The following ZNF518B variants were observed in gnomAD, a reference collection of about 807,000 sequenced individuals.
The protein encoded by ZNF518B is zinc finger protein 518B.
A neutral mutation model predicts 56.3 loss-of-function variants in ZNF518B; 23 were observed. The observed-to-expected ratio is 0.41, with a 90% CI of 0.29 to 0.58. The LOEUF is 0.58. ZNF518B is among the 20% of genes least tolerant of loss of function. The pLI is 0.32. For missense variants in ZNF518B, 1,460 were observed against 1,272.1 expected (o/e 1.15, Z -2.25); for synonymous variants, 529 against 465.9 (o/e 1.14, Z -1.74).
Position 10,440,068 on chromosome 4 carries a change from A to G in ZNF518B, c.*3036T>C, listed in dbSNP as rs556619751. 1 of 152,748 alleles carries G rather than the reference A, an allele frequency of 6.5e-6. No individual in the cohort carries two copies. The highest frequency in any genetic ancestry group is 1.9e-4 in the East Asian group (1 of 5,186). The allele number at this position is 152,748 out of a possible 1,614,324, so 9.5% of individuals were successfully genotyped here. ...TCATATAGACATTTACAGATTTAAAAATTATTCCAAAGGCCGAGCAACATC... is the reference window on the plus strand; with the variant it reads ...TCATATAGACATTTACAGATTTAAAGATTATTCCAAAGGCCGAGCAACATC... On this transcript the variant is annotated 3_prime_UTR_variant, in exon 3 of 3. Transcript: ENST00000326756.
intron 2 of ZNF518B, chr4:10,453,076 T>C (rs753532133): frequency 6.6e-6 from 1 of 152,250 alleles, no homozygotes; most frequent in Non-Finnish European, 1.5e-5. Context: ...TACTAGCACA[T>C]GATTTCAAAC....
At position 10,441,965 on chromosome 4, in the gene ZNF518B, T is replaced by C. The variant is rs1714701675; in HGVS notation, c.*1139A>G. 6.6e-6 allele frequency: 1 copy of C among 152,222 alleles called. No homozygotes were observed. Among genetic ancestry groups the C allele is most frequent in the South Asian group, 2.1e-4 (1 of 4,834 alleles). The allele number at this position is 152,222 out of a possible 1,614,324, so 9.4% of individuals were successfully genotyped here. A position where few individuals can be genotyped will look rare whatever the true frequency, so the allele number is the denominator to read the frequency against. The stretch of plus-strand genomic sequence containing the variant: ...CAGTGGGAGGTCTCCATTTTGTTGA[T>C]TCCTGCCATTTTCTAGTAATCGCAT... On this transcript the variant is annotated 3_prime_UTR_variant, in exon 3 of 3. Transcript: ENST00000326756.
At chr4:10,461,024 G>C (rs1715727588), upstream of ZNF518B, among the ~76,000 whole-genome samples, 1 of 152,212 alleles carries the variant, frequency 6.6e-6, no homozygotes, top group Non-Finnish European at 1.5e-5. Context: ...CCCAAGCTCT[G>C]ATAAGACAAC....
chr4:10,460,304 CAAAAAAAAAAAAAAAAAAACCAAAAAAA>C (rs1241650624), upstream of ZNF518B, among the ~76,000 whole-genome samples: 1 of 8,804 alleles, frequency 1.1e-4, no homozygotes, highest in South Asian at 7.6e-3. Context: ...GACTCTGTCT[CAAAAAAAAAAAAAAAAAAACCAAAAAAA>C]AAAAAACCGA....
upstream of ZNF518B, among the ~76,000 whole-genome samples, chr4:10,460,317 A>C (rs1218295470): frequency 1.6e-4 from 14 of 88,546 alleles, 3 homozygotes; most frequent in Non-Finnish European, 2.5e-4. Flanking sequence ...AAAAAAAAAA[A>C]AAAAAACCAA....
chr4:10,440,976 C>T lies in ZNF518B; in HGVS notation c.*2128G>A, dbSNP rs894285583. On this transcript the variant is annotated 3_prime_UTR_variant, in exon 3 of 3. Transcript: ENST00000326756. Reference sequence around the variant, plus strand: ...TATAACATGGATAAAACTTCGAATGCTCTACGTAGTGAAGTGGTACCAAAG... The same window carrying T: ...TATAACATGGATAAAACTTCGAATGTTCTACGTAGTGAAGTGGTACCAAAG... 2 of 125,076 alleles carry T rather than the reference C, an allele frequency of 1.6e-5. No individual in the cohort carries two copies. The highest frequency in any genetic ancestry group is 8.0e-5 in the Admixed American group (1 of 12,542). 7.7% of individuals were successfully genotyped at this position (125,076 alleles called of 1,614,324 possible).
chr4:10,445,768 T>C lies in ZNF518B; in HGVS notation c.561A>G (p.Ile187Met), dbSNP rs756261032. The stretch of plus-strand genomic sequence containing the variant: ...CACAATACTCACACTGATAAGGAAA[T>C]ATGCCTGTGTGTTTCACCAAATGCC... Reference protein sequence around the residue: ...FQRHLVKHTGIFPYQCEYCDY... With the variant: ...FQRHLVKHTGMFPYQCEYCDY... The change falls in exon 3 of 3, where the codon ATA becomes ATG. Residue 187 changes from isoleucine to methionine, a missense_variant. Coordinates refer to ENST00000326756, the MANE Select transcript of ZNF518B (RefSeq NM_053042.3). 6.2e-7 allele frequency: 1 copy of C among 1,614,094 alleles called. No homozygotes were observed. The highest frequency in any genetic ancestry group is 1.3e-5 in the African/African-American group (1 of 74,932).
intron 2 of ZNF518B, chr4:10,451,814 G>C (rs1715325439): frequency 6.6e-6 from 1 of 152,156 alleles, no homozygotes. Context: ...TACAATTTAG[G>C]TTTATATATA....
Position 10,445,963 on chromosome 4 carries a change from A to T in ZNF518B, c.366T>A (p.Asn122Lys), listed in dbSNP as rs752185720. Residue 122 changes from asparagine (N) to lysine (K), a missense_variant, in exon 3 of 3, where the codon AAT (asparagine) becomes AAA (lysine). Coordinates refer to ENST00000326756, the MANE Select transcript of ZNF518B (RefSeq NM_053042.3). The part of the protein sequence containing the change: ...NKTENFSSSV[N>K]SKFKVRNFKP... ...TAAAGTTCCTTACCTTAAATTTGCT[A>T]TTGACAGAACTTGAGAAGTTTTCAG... 6.2e-7 allele frequency: 1 copy of T among 1,614,098 alleles called. No homozygotes were observed. The highest frequency in any genetic ancestry group is 1.3e-5 in the African/African-American group (1 of 74,928).
At chr4:10,459,679 T>TGGCATGA (rs1715684043), upstream of ZNF518B, among the ~76,000 whole-genome samples, 1 of 152,018 alleles carries the variant, frequency 6.6e-6, no homozygotes, top group African/African-American at 2.4e-5. Flanking sequence ...TGAGAAGACA[T>TGGCATGA]GGAGACACAC....
intron 2 of ZNF518B, among the ~76,000 whole-genome samples, chr4:10,446,999 G>C (rs981422812): frequency 6.6e-6 from 1 of 152,186 alleles, no homozygotes; most frequent in South Asian, 2.1e-4. Flanking sequence ...CTACATTATA[G>C]CTTATTATCA....
At chr4:10,456,031 C>T in intron 1 of ZNF518B, among the ~76,000 whole-genome samples, 1 of 152,218 alleles carries the variant, frequency 6.6e-6, no homozygotes, top group East Asian at 1.9e-4. Context: ...TCCTCAGTCT[C>T]TGCTCTACTG....
At chr4:10,448,957 A>G (rs1715185811) in intron 2 of ZNF518B, among the ~76,000 whole-genome samples, 1 of 152,164 alleles carries the variant, frequency 6.6e-6, no homozygotes, top group Non-Finnish European at 1.5e-5. Flanking sequence ...ACTTACCTGC[A>G]TCTCTATTAT....
upstream of ZNF518B, among the ~76,000 whole-genome samples, chr4:10,459,407 GTCT>G (rs1256709758): frequency 6.6e-6 from 1 of 152,194 alleles, no homozygotes; most frequent in African/African-American, 2.4e-5. Flanking sequence ...TGCCCTTCAT[GTCT>G]TCTTCTCCAC....
intron 2 of ZNF518B, among the ~76,000 whole-genome samples, chr4:10,447,844 T>G (rs897238783): frequency 6.6e-6 from 1 of 152,074 alleles, no homozygotes; most frequent in African/African-American, 2.4e-5. Flanking sequence ...AGACAGGGTT[T>G]CTCCATGTTG....
rs931005430 is a variant in ZNF518B, at chr4:10,442,957, A to T, written c.*147T>A. On this transcript the variant is annotated 3_prime_UTR_variant, in exon 3 of 3. Transcript: ENST00000326756. ...GTCCAATCACATACTTCAGGTTCAGACTCCTAGCTCCCAATATTCCTACAG... is the reference window on the plus strand; with the variant it reads ...GTCCAATCACATACTTCAGGTTCAGTCTCCTAGCTCCCAATATTCCTACAG... The T allele has an allele frequency of 1.4e-6, 1 of 711,840 alleles. No individual in the cohort carries two copies. The highest frequency in any genetic ancestry group is 1.8e-5 in the African/African-American group (1 of 56,160). 44.1% of individuals were successfully genotyped at this position (711,840 alleles called of 1,614,324 possible). A position where few individuals can be genotyped will look rare whatever the true frequency, so the allele number is the denominator to read the frequency against.
chr4:10,443,750 T>A lies in ZNF518B; in HGVS notation c.2579A>T (p.Lys860Ile). 6.2e-7 allele frequency: 1 copy of A among 1,614,192 alleles called. No individual in the cohort carries two copies. Among genetic ancestry groups the A allele is most frequent in the Non-Finnish European group, 8.5e-7 (1 of 1,180,032 alleles). Residue 860 changes from lysine to isoleucine, a missense_variant, in exon 3 of 3, where the codon AAA becomes ATA. By Grantham distance (102) the Lys-to-Ile change is moderately radical. Coordinates refer to ENST00000326756, the MANE Select transcript of ZNF518B (RefSeq NM_053042.3). ...ESAVCSTIHR[K>I]TGLLYGQQGS... ...TTGCTGTCCATACAAGAGGCCAGTT[T>A]TTCTATGGATGGTGCTACAGACAGC...
Position 10,445,501 on chromosome 4 carries a change from C to A in ZNF518B, c.828G>T (p.Met276Ile), listed in dbSNP as rs1714983634. ...HANKDKMHNIMLLPEPKEYQK... is the reference protein window; with the variant it reads ...HANKDKMHNIILLPEPKEYQK... ...GGTATTCCTTTGGTTCAGGTAACAACATGATATTGTGCATTTTGTCTTTAT... is the reference window on the plus strand; with the variant it reads ...GGTATTCCTTTGGTTCAGGTAACAAAATGATATTGTGCATTTTGTCTTTAT... The change falls in exon 3 of 3, where the codon ATG becomes ATT. Residue 276 changes from methionine to isoleucine, a missense_variant. Met to Ile is a conservative substitution (Grantham distance 10, BLOSUM62 1). Coordinates refer to ENST00000326756, the MANE Select transcript of ZNF518B (RefSeq NM_053042.3). The A allele has an allele frequency of 6.2e-7, 1 of 1,614,072 alleles. No homozygotes were observed. Among genetic ancestry groups the A allele is most frequent in the Non-Finnish European group, 8.5e-7 (1 of 1,180,038 alleles).
At chr4:10,460,221 CTTGA>C (rs202100783), upstream of ZNF518B, among the ~76,000 whole-genome samples, 8,946 of 144,648 alleles carry the variant, frequency 0.062, 367 homozygotes, top group Non-Finnish European at 0.088. Flanking sequence ...ACGAGAATTG[CTTGA>C]ACCCAAGAGA....
Sources: allele counts gnomAD v4.1 joint callset (sites outside exome capture counted in the v4.1 genomes callset), GRCh38; gene constraint gnomAD v4.1.1; transcripts MANE v1.5; gene names NCBI Gene and HGNC (gene_info 2026-07-23, HGNC 2026-07-21).